The following AASDH variants were observed in gnomAD, a reference collection of about 807,000 sequenced individuals.
The protein encoded by AASDH is beta-alanine-activating enzyme.
In AASDH, 81 loss-of-function variants were observed where a neutral mutation model predicts 102.3. That is an observed-to-expected ratio of 0.79 (90% confidence interval 0.66 to 0.95). AASDH has a LOEUF of 0.95. Among genes scored for constraint, AASDH ranks in the 40% least tolerant of loss-of-function variants. The probability of loss-of-function intolerance (pLI) is 0.00; values close to 1 mark genes in which losing one functional copy is unlikely to be tolerated. For missense variants in AASDH, 1,203 were observed against 1,266.2 expected, an observed-to-expected ratio of 0.95 and a Z score of 0.76; for synonymous variants, 398 against 454.0, an observed-to-expected ratio of 0.88 and a Z score of 1.57.
chr4:56,354,610 G>A, intron 7 of AASDH, 95 bp downstream of exon 7: 1 of 882,194 alleles, frequency 1.1e-6, no homozygotes, highest in South Asian at 1.8e-5. Flanking sequence ...TGAAAAGCAT[G>A]AGATAGACAA....
chr4:56,347,587 C>A (rs1361269376), intron 11 of AASDH, among the ~76,000 whole-genome samples: 1 of 152,084 alleles, frequency 6.6e-6, no homozygotes, highest in Non-Finnish European at 1.5e-5. Context: ...AGTAGCTAAC[C>A]CTTAATGAGC....
At chr4:56,355,573 T>C (rs933740981) in intron 5 of AASDH, 150 bp from the exon 6 acceptor site, 1 of 620,862 alleles carries the variant, frequency 1.6e-6, no homozygotes, top group Admixed American at 3.4e-5. Flanking sequence ...GGAAAACTAC[T>C]GGTGCAACAT....
At chr4:56,358,072 T>C (rs916277749) in intron 5 of AASDH, among the ~76,000 whole-genome samples, 1 of 152,134 alleles carries the variant, frequency 6.6e-6, no homozygotes, top group East Asian at 1.9e-4. Context: ...TCCTATTTTA[T>C]TGTTTTTTGA....
At chr4:56,359,324 C>CGCCTCCTGCCTCCT (rs140231912) in intron 5 of AASDH, among the ~76,000 whole-genome samples, 8 of 151,588 alleles carry the variant, frequency 5.3e-5, no homozygotes, top group Admixed American at 5.3e-4. Flanking sequence ...CCACAACATC[C>CGCCTCCTGCCTCCT]GCCTCCTGCC....
chr4:56,362,544 C>T (rs1019062149), intron 5 of AASDH, among the ~76,000 whole-genome samples: 3 of 152,126 alleles, frequency 2.0e-5, no homozygotes, highest in South Asian at 2.1e-4. Context: ...GGATTACAGG[C>T]GTGAGCCACC....
intron 11 of AASDH, among the ~76,000 whole-genome samples, chr4:56,348,485 G>A (rs1212774210): frequency 1.3e-5 from 2 of 152,082 alleles, no homozygotes; most frequent in Non-Finnish European, 2.9e-5. Flanking sequence ...GAACTCCTGG[G>A]CACAAGCGAT....
At position 56,354,769 on chromosome 4, in the gene AASDH, T is replaced by G; in HGVS notation, c.1146A>C (p.Thr382=). The G allele has an allele frequency of 6.2e-7, 1 of 1,611,576 alleles. No homozygotes were observed. Among genetic ancestry groups the G allele is most frequent in the Non-Finnish European group, 8.5e-7 (1 of 1,178,952 alleles). ...PVQLGFPLLG[T]VVEVRDTNGF... is the part of the protein sequence containing the mutation. ...CATTAGTATCTCTGACTTCAACTACTGTTCCAAGAAGTGGAAATCCCAGTT... is the reference window on the plus strand; with the variant it reads ...CATTAGTATCTCTGACTTCAACTACGGTTCCAAGAAGTGGAAATCCCAGTT... Residue 382 remains threonine (T), a synonymous_variant, in exon 7 of 15, where the codon ACA becomes ACC. Coordinates refer to ENST00000205214, the MANE Select transcript of AASDH (RefSeq NM_181806.4).
At chr4:56,377,072 A>AG (rs1560612827) in intron 4 of AASDH, among the ~76,000 whole-genome samples, 7 of 78,404 alleles carry the variant, frequency 8.9e-5, no homozygotes, top group African/African-American at 3.1e-4. Flanking sequence ...GTCTCAAAAA[A>AG]AAAAAAAAAT....
At chr4:56,342,383 T>C (rs1280534994) in intron 14 of AASDH, among the ~76,000 whole-genome samples, 2 of 152,110 alleles carry the variant, frequency 1.3e-5, no homozygotes, top group Admixed American at 6.5e-5. Context: ...CAGTCTATGA[T>C]TGTAACAAAA....
intron 8 of AASDH, 68 bp downstream of exon 8, chr4:56,353,966 CACAGA>C: frequency 1.5e-6 from 2 of 1,371,342 alleles, no homozygotes; most frequent in Non-Finnish European, 1.9e-6. Flanking sequence ...GAGACCCCAG[CACAGA>C]AAATTGGTGG....
At chr4:56,384,853 C>A (rs1050650731) in intron 1 of AASDH, among the ~76,000 whole-genome samples, 35 of 152,152 alleles carry the variant, frequency 2.3e-4, no homozygotes, top group Admixed American at 2.1e-3. Flanking sequence ...GTGGGTGGAT[C>A]ACTTGAGGTC....
At chr4:56,382,364 G>A (rs1264163462) in intron 3 of AASDH, 113 bp downstream of exon 3, 87 of 1,071,940 alleles carry the variant, frequency 8.1e-5, no homozygotes, top group Non-Finnish European at 1.1e-4. Context: ...TGCAAAGACT[G>A]AGAAACCTTG....
chr4:56,384,448 A>T, intron 1 of AASDH, 107 bp from the exon 2 acceptor site: 1 of 599,632 alleles, frequency 1.7e-6, no homozygotes, highest in Non-Finnish European at 2.9e-6. Flanking sequence ...AATTATATCA[A>T]AGATATATAA....
At chr4:56,380,697 C>T (rs1237845584) in intron 3 of AASDH, among the ~76,000 whole-genome samples, 5 of 152,202 alleles carry the variant, frequency 3.3e-5, no homozygotes, top group Admixed American at 2.0e-4. Context: ...CTAATGCCCT[C>T]CCAATCATCC....
rs775579900 is a variant in AASDH at position 56,338,658 on chromosome 4, A to G, written c.3041T>C (p.Phe1014Ser). 4 of 1,614,220 alleles carry G rather than the reference A, an allele frequency of 2.5e-6. No individual in the cohort carries two copies. Among genetic ancestry groups the G allele is most frequent in the Non-Finnish European group, 3.4e-6 (4 of 1,180,040 alleles). The change falls in exon 15 of 15, where the codon TTT becomes TCT. Residue 1014 changes from phenylalanine (F) to serine (S), a missense_variant. Transcript: ENST00000205214. ...TGCATAGACCCTTGAAGTAGTTTCAAATTTCCACTGCAGGTGACCTTTCAT... is the reference window on the plus strand; with the variant it reads ...TGCATAGACCCTTGAAGTAGTTTCAGATTTCCACTGCAGGTGACCTTTCAT... Reference protein sequence around the residue: ...CNMKGHLQWKFETTSRVYATP... With the variant: ...CNMKGHLQWKSETTSRVYATP...
In AASDH at chr4:56,351,426, T is replaced by C. The variant is rs762038937; in HGVS notation, c.1608A>G (p.Ile536Met). 6.9e-6 allele frequency: 11 copies of C among 1,593,020 alleles called. No individual in the cohort carries two copies. The highest frequency in any genetic ancestry group is 6.7e-5 in the East Asian group (3 of 44,640). Reference sequence around the variant, plus strand: ...ACTTCAAGTTTATGTAGTTTAAATATATCTTGTTTAACTCAGAAACATCAA... The same window carrying C: ...ACTTCAAGTTTATGTAGTTTAAATACATCTTGTTTAACTCAGAAACATCAA... ...GKIDVSELNK[I>M]YLNYINLKSE... The change falls in exon 10 of 15, where the codon ATA (isoleucine) becomes ATG (methionine). Residue 536 changes from isoleucine to methionine, a missense_variant. Ile to Met is a conservative substitution (Grantham distance 10). Coordinates refer to ENST00000205214, the MANE Select transcript of AASDH (RefSeq NM_181806.4).
chr4:56,371,914 C>T (rs567055770), intron 4 of AASDH, among the ~76,000 whole-genome samples: 1 of 152,074 alleles, frequency 6.6e-6, no homozygotes, highest in African/African-American at 2.4e-5. Context: ...TTTGATTGAA[C>T]TACTGTCCCC....
chr4:56,348,335 G>A (rs890684965), intron 11 of AASDH, among the ~76,000 whole-genome samples: 3 of 151,454 alleles, frequency 2.0e-5, no homozygotes, highest in Non-Finnish European at 4.4e-5. Context: ...ACTCACAGCA[G>A]CCTCAACCTA....
Position 56,338,311 on chromosome 4 carries a change from T to C in AASDH, c.*91A>G, listed in dbSNP as rs1315599842. 1.5e-6 allele frequency: 2 copies of C among 1,311,656 alleles called. No individual in the cohort carries two copies. Among genetic ancestry groups the C allele is most frequent in the Non-Finnish European group, 2.0e-6 (2 of 989,332 alleles). The allele number at this position is 1,311,656 out of a possible 1,614,324, so 81.3% of individuals were successfully genotyped here. ...TCCGTTTCTTAGCCAAAATATAATC[T>C]TCTTTAATATAAAATAAGTCCACAT... On this transcript the variant is annotated 3_prime_UTR_variant, in exon 15 of 15. Transcript: ENST00000205214.
Sources: allele counts gnomAD v4.1 joint callset (sites outside exome capture counted in the v4.1 genomes callset), GRCh38; gene constraint gnomAD v4.1.1; transcripts MANE v1.5; gene names NCBI Gene and HGNC (gene_info 2026-07-23, HGNC 2026-07-21).